TBCD: variants seen among roughly 807,000 people sequenced by gnomAD.
TBCD encodes the protein tubulin-specific chaperone D.
Under a neutral mutation model 169.3 loss-of-function variants are expected in TBCD, and 105 were observed. The observed-to-expected ratio is 0.62, with a 90% CI of 0.53 to 0.73. The LOEUF (loss-of-function observed/expected upper bound fraction) is 0.73, where lower values mean the gene tolerates loss of function less well. Among genes scored for constraint, TBCD ranks in the 30% least tolerant of loss-of-function variants. The pLI, the probability that TBCD is intolerant of heterozygous loss-of-function variation, is 0.00. For synonymous variants in TBCD, 700 were observed against 643.9 expected (o/e 1.09, Z -1.32); for missense variants, 1,444 against 1,600.1 (o/e 0.90, Z 1.66).
chr17:82,894,322 T>G (rs1015988222), intron 17 of TBCD, among the ~76,000 whole-genome samples: 1 of 152,196 alleles, frequency 6.6e-6, no homozygotes, highest in Non-Finnish European at 1.5e-5. Context: ...TGACTTTATT[T>G]ATTTATTTTT....
intron 23 of TBCD, among the ~76,000 whole-genome samples, chr17:82,916,062 G>T (rs79099974): frequency 0.1 from 15,249 of 152,158 alleles, 1,056 homozygotes; most frequent in South Asian, 0.29. Context: ...TTCTTGTTCC[G>T]TGGGAATTCA....
chr17:82,914,410 C>G (rs1264999232), intron 23 of TBCD, among the ~76,000 whole-genome samples: 1 of 152,172 alleles, frequency 6.6e-6, no homozygotes, highest in Non-Finnish European at 1.5e-5. Context: ...GTGTGGATTG[C>G]TGGGGGGCAT....
chr17:82,904,009 C>T (rs112918105), intron 19 of TBCD, among the ~76,000 whole-genome samples: 2 of 4,980 alleles, frequency 4.0e-4, no homozygotes. Flanking sequence ...GTGGCTCGCA[C>T]CTGCCACACG....
Position 82,766,263 on chromosome 17 carries a change from A to G in TBCD, c.334-4A>G, listed in dbSNP as rs767947543. The G allele has an allele frequency of 1.9e-6, 3 of 1,604,336 alleles. No homozygotes were observed. The African/African-American group carries it at 4.0e-5, about 21-fold the overall frequency. ...TTATAATTCAGCATCTCTTTATTTG[A>G]TAGGTTCGAGGCTATAAAACATTTC... On this transcript the variant is annotated splice_region_variant and splice_polypyrimidine_tract_variant and intron_variant, in intron 3 of 38. Coordinates refer to ENST00000355528, the MANE Select transcript of TBCD (RefSeq NM_005993.5).
chr17:82,896,839 G>A (rs966905081), intron 17 of TBCD, among the ~76,000 whole-genome samples: 4 of 152,100 alleles, frequency 2.6e-5, no homozygotes, highest in African/African-American at 9.7e-5. Flanking sequence ...ATGAGCTCGG[G>A]GTCCGGGATC....
At chr17:82,887,341 A>T (rs117016828) in intron 15 of TBCD, among the ~76,000 whole-genome samples, 93 of 151,978 alleles carry the variant, frequency 6.1e-4, no homozygotes, top group Middle Eastern at 3.4e-3. Context: ...CTTGGCAGCC[A>T]CCGGTCGGCT....
At position 82,924,202 on chromosome 17, in the gene TBCD, C is replaced by T. The variant is rs539261516; in HGVS notation, c.2260+469C>T. 5.9e-5 allele frequency among the ~76,000 whole-genome samples: 9 copies of T among 152,350 alleles called. No individual in the cohort carries two copies. The South Asian group carries it at 1.9e-3, about 32-fold the overall frequency. On this transcript the variant is annotated intron_variant, in intron 26 of 38. Transcript: ENST00000355528. ...CTCCTGACCTCAGGTGATCCACCTGCCTCAGCCTCCCAAAGTTCTGGGATT... is the reference window on the plus strand; with the variant it reads ...CTCCTGACCTCAGGTGATCCACCTGTCTCAGCCTCCCAAAGTTCTGGGATT...
At chr17:82,940,268 G>A (rs775574993) in intron 37 of TBCD, among the ~76,000 whole-genome samples, 9 of 143,078 alleles carry the variant, frequency 6.3e-5, no homozygotes, top group Non-Finnish European at 7.8e-5. Context: ...GAGCAGTCTC[G>A]TCACCCCGTG....
At chr17:82,858,736 C>T in intron 13 of TBCD, 1 of 850,604 alleles carries the variant, frequency 1.2e-6, no homozygotes, top group Non-Finnish European at 1.4e-6. Context: ...GGAAAATCGA[C>T]TGAGTGTGTG....
chr17:82,812,800 C>A lies in TBCD; in HGVS notation c.1224-2040C>A, dbSNP rs539098772. On this transcript the variant is annotated intron_variant, in intron 12 of 38. Coordinates refer to ENST00000355528, the MANE Select transcript of TBCD (RefSeq NM_005993.5). ...TTGTGATCAGCCCGCCTCGGCCTCC[C>A]GGAGTGCTGGGATGACAGGCTGAGC... Among the ~76,000 whole-genome samples, 180 of 152,284 alleles carry A rather than the reference C, an allele frequency of 1.2e-3. 1 individual carries two copies. The highest frequency in any genetic ancestry group is 4.1e-3 in the African/African-American group (171 of 41,568).
chr17:82,859,658 CAGGCTCCTGAGGACCAGCAG>C, intron 13 of TBCD: 2 of 985,402 alleles, frequency 2.0e-6, no homozygotes, highest in Non-Finnish European at 2.4e-6. Context: ...GAATTGTGGA[CAGGCTCCTGAGGACCAGCAG>C]AGGCTGGAGG....
chr17:82,924,750 C>CA lies in TBCD; in HGVS notation c.2261-179dup, dbSNP rs565076997. ...CCTGGGTGACAGAATGAGACTCTCT[C>CA]AAAAAAAAAATTCTCTTTCTGATTC... On this transcript the variant is annotated intron_variant, in intron 26 of 38. Coordinates refer to ENST00000355528, the MANE Select transcript of TBCD (RefSeq NM_005993.5). Among the ~76,000 whole-genome samples, 189 of 150,060 alleles carry CA rather than the reference C, an allele frequency of 1.3e-3. 2 individuals are homozygous for CA. The highest frequency in any genetic ancestry group is 6.9e-3 in the Middle Eastern group (2 of 288).
intron 2 of TBCD, among the ~76,000 whole-genome samples, chr17:82,758,206 T>C (rs960223360): frequency 6.6e-6 from 1 of 151,436 alleles, no homozygotes; most frequent in Non-Finnish European, 1.5e-5. Flanking sequence ...CTGACCAACA[T>C]AGTGAAACCC....
At chr17:82,812,499 G>A (rs555975494) in intron 12 of TBCD, among the ~76,000 whole-genome samples, 2 of 152,222 alleles carry the variant, frequency 1.3e-5, no homozygotes, top group Admixed American at 6.5e-5. Context: ...CACCCGTTTC[G>A]CATCCCTCCG....
intron 13 of TBCD, chr17:82,860,288 C>T: frequency 1.2e-6 from 1 of 852,500 alleles, no homozygotes; most frequent in South Asian, 5.4e-5. Context: ...AGGGCCCCCG[C>T]CCCCTGCATG....
chr17:82,767,766 C>G (rs2048088834), intron 4 of TBCD, among the ~76,000 whole-genome samples: 1 of 152,114 alleles, frequency 6.6e-6, no homozygotes, highest in Non-Finnish European at 1.5e-5. Context: ...ACCATCCTGG[C>G]TAACACGGTG....
At position 82,758,487 on chromosome 17, in the gene TBCD, C is replaced by T. The variant is rs911897191; in HGVS notation, c.235+2272C>T. Among the ~76,000 whole-genome samples the T allele has an allele frequency of 3.4e-5, 5 of 145,744 alleles. No homozygotes were observed. In the East Asian group the frequency reaches 6.1e-4, roughly 18 times the overall value. The stretch of plus-strand genomic sequence containing the variant: ...CTGGTCTCATACCTCTGGGTTCAAG[C>T]GGTTCACCCACCTTGGCCTCCTAAA... On this transcript the variant is annotated intron_variant, in intron 2 of 38. Transcript: ENST00000355528.
At chr17:82,849,325 G>A (rs1398700532) in intron 13 of TBCD, among the ~76,000 whole-genome samples, 4 of 135,584 alleles carry the variant, frequency 3.0e-5, no homozygotes, top group Non-Finnish European at 6.3e-5. Context: ...TGTCTGCTGC[G>A]TCGGGGCTGC....
At chr17:82,771,937 A>G (rs936441858) in intron 5 of TBCD, among the ~76,000 whole-genome samples, 2 of 151,538 alleles carry the variant, frequency 1.3e-5, no homozygotes, top group Non-Finnish European at 2.9e-5. Flanking sequence ...AAAAAAAAAC[A>G]AAAACAAAAA....
Sources: gnomAD v4.1 joint callset for allele counts (sites outside exome capture counted in the v4.1 genomes callset) on GRCh38, gnomAD v4.1.1 for gene constraint, MANE v1.5 for transcripts, NCBI Gene and HGNC (gene_info 2026-07-23, HGNC 2026-07-21) for gene names.